The following GPN1 variants were observed in gnomAD, a reference collection of about 807,000 sequenced individuals.
GPN1 encodes ATP(GTP)-binding protein.
A neutral mutation model predicts 55.9 loss-of-function variants in GPN1; 44 were observed. That is an observed-to-expected ratio of 0.79 (90% confidence interval 0.62 to 1.01). The LOEUF is 1.01. Ranked by LOEUF, GPN1 falls within the 50% of genes least tolerant of loss-of-function variation. The probability of loss-of-function intolerance (pLI) is 0.00; values close to 1 mark genes in which losing one functional copy is unlikely to be tolerated. For synonymous variants in GPN1, 179 were observed against 162.5 expected (o/e 1.10, Z -0.77); for missense variants, 466 against 462.8 (o/e 1.01, Z -0.06).
chr2:27,636,383 T>C (rs1673732082), intron 7 of GPN1, among the ~76,000 whole-genome samples: 1 of 152,226 alleles, frequency 6.6e-6, no homozygotes, highest in Non-Finnish European at 1.5e-5. Flanking sequence ...ATTTGTCTTT[T>C]CTGATATGAC....
chr2:27,633,852 G>A (rs1045115101), intron 5 of GPN1, among the ~76,000 whole-genome samples: 2 of 151,658 alleles, frequency 1.3e-5, no homozygotes, highest in Non-Finnish European at 2.9e-5. Context: ...CTCGTTTAAA[G>A]TGTATGGTTG....
Position 27,638,909 on chromosome 2 carries a change from G to A in GPN1, c.595G>A (p.Ala199Thr), listed in dbSNP as rs2148071568. The A allele has an allele frequency of 6.2e-7, 1 of 1,613,874 alleles. No individual in the cohort carries two copies. The highest frequency in any genetic ancestry group is 2.2e-5 in the East Asian group (1 of 44,882). ...NKTDIIDHSF[A>T]VEWMQDFEAF... is the part of the protein sequence containing the mutation. ...GACTGACATCATTGACCACAGCTTT[G>A]CAGTGGAATGGATGCAGGATTTTGA... The change falls in exon 9 of 14, where the codon GCA becomes ACA. Residue 199 changes from alanine to threonine, a missense_variant. Coordinates refer to ENST00000610189, the MANE Select transcript of GPN1 (RefSeq NM_007266.4).
intron 5 of GPN1, among the ~76,000 whole-genome samples, chr2:27,633,824 C>G (rs1052431235): frequency 6.0e-5 from 9 of 151,102 alleles, no homozygotes; most frequent in African/African-American, 2.2e-4. Flanking sequence ...AGATATAATT[C>G]ATATACCATA....
chr2:27,640,427 A>G (rs1673893702), intron 10 of GPN1, among the ~76,000 whole-genome samples: 1 of 152,216 alleles, frequency 6.6e-6, no homozygotes, highest in Non-Finnish European at 1.5e-5. Flanking sequence ...CTCTGTTGCA[A>G]CTGCTCACGT....
intron 13 of GPN1, among the ~76,000 whole-genome samples, chr2:27,649,449 T>C (rs79855248): frequency 1.2e-4 from 13 of 105,670 alleles, no homozygotes; most frequent in Non-Finnish European, 2.6e-4. Context: ...TTAATAAATA[T>C]ATACTTTCTT....
chr2:27,632,613 T>C lies in GPN1; in HGVS notation c.313-20T>C, dbSNP rs1044076809. ...GTGTTGAAATCGGAATTTGTTGTCA[T>C]TGACATCTTTTTCTTTTAGGTGATG... On this transcript the variant is annotated intron_variant, in intron 4 of 13. Coordinates refer to ENST00000610189, the MANE Select transcript of GPN1 (RefSeq NM_007266.4). 3 of 1,582,368 alleles carry C rather than the reference T, an allele frequency of 1.9e-6. No individual in the cohort carries two copies. Among genetic ancestry groups the C allele is most frequent in the Non-Finnish European group, 2.6e-6 (3 of 1,151,162 alleles).
At position 27,642,958 on chromosome 2, in the gene GPN1, T is replaced by TATATACACACAC. The variant is rs10643705; in HGVS notation, c.931+440_931+441insTATACACACACA. Among the ~76,000 whole-genome samples, 49 of 122,658 alleles carry TATATACACACAC rather than the reference T, an allele frequency of 4.0e-4. 1 individual carries two copies. Among genetic ancestry groups the TATATACACACAC allele is most frequent in the South Asian group, 2.8e-3 (10 of 3,584 alleles). The allele number at this position is 122,658 out of a possible 152,430, so 80.5% of individuals were successfully genotyped here. On this transcript the variant is annotated intron_variant, in intron 12 of 13. Transcript: ENST00000610189. Reference sequence around the variant, plus strand: ...AAATGTGGTTTTATATATATATATATACACACACACACACACACACACACA... The same window carrying TATATACACACAC: ...AAATGTGGTTTTATATATATATATATATATACACACACACACACACACACACACACACACACA...
In GPN1 at chr2:27,642,434, C is replaced by T. The variant is rs371495624; in HGVS notation, c.846C>T (p.Asn282=). 139 of 1,608,820 alleles carry T rather than the reference C, an allele frequency of 8.6e-5. No individual in the cohort carries two copies. In the African/African-American group the frequency reaches 9.5e-4, roughly 11 times the overall value. ...EYERLKKSLA[N]AESQQQREQL... ...ATTTTTCTCTGTATATACAGGCCAA[C>T]GCAGAGAGCCAACAGCAGAGAGAAC... is the stretch of plus-strand genomic sequence containing the variant. Residue 282 remains asparagine, a synonymous_variant, in exon 12 of 14, where the codon AAC becomes AAT. Coordinates refer to ENST00000610189, the MANE Select transcript of GPN1 (RefSeq NM_007266.4).
rs768572610 is a variant in GPN1, at chr2:27,629,090, A to T, written c.32A>T (p.Gln11Leu). Residue 11 changes from glutamine (Q) to leucine (L), a missense_variant, in exon 1 of 14, where the codon CAG (glutamine) becomes CTG (leucine). Coordinates refer to ENST00000610189, the MANE Select transcript of GPN1 (RefSeq NM_007266.4). MAASAAAAEL[Q>L]ASGGPRHPVC... The stretch of plus-strand genomic sequence containing the variant: ...GCGTCCGCAGCTGCCGCTGAGCTCC[A>T]GGCTTCTGGGGGTCCGCGGCACCCA... The T allele has an allele frequency of 6.2e-7, 1 of 1,614,218 alleles. No homozygotes were observed. The highest frequency in any genetic ancestry group is 8.5e-7 in the Non-Finnish European group (1 of 1,180,036).
At chr2:27,642,955 A>ACACAC in intron 12 of GPN1, among the ~76,000 whole-genome samples, 1 of 65,688 alleles carries the variant, frequency 1.5e-5, no homozygotes, top group Admixed American at 2.4e-4. Context: ...ATATATATAT[A>ACACAC]TATACACACA....
chr2:27,634,021 G>T (rs1447185357), intron 5 of GPN1, among the ~76,000 whole-genome samples: 1 of 152,072 alleles, frequency 6.6e-6, no homozygotes, highest in East Asian at 1.9e-4. Flanking sequence ...TTGGCAATAT[G>T]ATTTCTCCAC....
At chr2:27,639,939 TA>T in intron 9 of GPN1, 103 bp from the exon 10 acceptor site, 1 of 841,264 alleles carries the variant, frequency 1.2e-6, no homozygotes, top group Non-Finnish European at 2.0e-6. Flanking sequence ...TCTCAAAATA[TA>T]AACCACTCTT....
In GPN1 at chr2:27,643,127, G is replaced by A. The variant is rs1472063263; in HGVS notation, c.931+608G>A. Among the ~76,000 whole-genome samples the A allele has an allele frequency of 6.6e-6, 1 of 150,810 alleles. No individual in the cohort carries two copies. The highest frequency in any genetic ancestry group is 1.5e-5 in the Non-Finnish European group (1 of 67,748). ...TACTTTGGCAATATACTTGATGTGT[G>A]CTGTGGTGGTTTTTTTTGTTTGTTT... On this transcript the variant is annotated intron_variant, in intron 12 of 13. Transcript: ENST00000610189. This position sits in a 1 kb window ranked among gnomAD's most constrained non-coding sequence, Gnocchi z 4.0.
At chr2:27,647,676 A>G (rs1055187018) in intron 12 of GPN1, among the ~76,000 whole-genome samples, 160 bp from the exon 13 acceptor site, 1 of 152,278 alleles carries the variant, frequency 6.6e-6, no homozygotes, top group Non-Finnish European at 1.5e-5. Flanking sequence ...GCTATTATAG[A>G]AATGTTAAGT....
intron 13 of GPN1, among the ~76,000 whole-genome samples, 170 bp downstream of exon 13, chr2:27,648,113 A>G (rs1330151769): frequency 6.6e-6 from 1 of 152,262 alleles, no homozygotes; most frequent in Non-Finnish European, 1.5e-5. Flanking sequence ...CTGGATGGTT[A>G]ATACTGAGCT....
intron 8 of GPN1, 69 bp downstream of exon 8, chr2:27,638,324 G>T: frequency 1.2e-6 from 1 of 854,492 alleles, no homozygotes; most frequent in African/African-American, 1.7e-5. Context: ...GGTTTAGGTG[G>T]GTGAGAAAGA....
chr2:27,641,333 T>G, intron 11 of GPN1, 54 bp downstream of exon 11: 1 of 1,237,054 alleles, frequency 8.1e-7, no homozygotes, highest in South Asian at 1.2e-5. Context: ...AAAACCCAGC[T>G]CAATCTTGAT....
chr2:27,628,432 C>G, upstream of GPN1: 1 of 1,551,618 alleles, frequency 6.4e-7, no homozygotes, highest in Non-Finnish European at 8.7e-7. Flanking sequence ...GTCACGGCAA[C>G]TGTGTAGTTC....
chr2:27,640,443 A>G (rs1673894985), intron 10 of GPN1, among the ~76,000 whole-genome samples: 1 of 152,232 alleles, frequency 6.6e-6, no homozygotes, highest in Admixed American at 6.5e-5. Flanking sequence ...CACGTCTGCC[A>G]TTGTAGGACA....
Sources: allele counts gnomAD v4.1 joint callset (sites outside exome capture counted in the v4.1 genomes callset), GRCh38; gene constraint gnomAD v4.1.1; non-coding constraint Gnocchi (gnomAD v3.1); transcripts MANE v1.5; gene names NCBI Gene and HGNC (gene_info 2026-07-23, HGNC 2026-07-21).